Variants in KCNH8 observed in about 807,000 individuals in gnomAD.
The protein encoded by KCNH8 is potassium voltage-gated channel subfamily H member 8, also known as voltage-gated delayed rectifier potassium channel KCNH8.
Under a neutral mutation model 103.6 loss-of-function variants are expected in KCNH8, and 70 were observed. The observed-to-expected ratio is 0.68, with a 90% CI of 0.56 to 0.82. KCNH8 has a LOEUF of 0.82. Among genes scored for constraint, KCNH8 ranks in the 40% least tolerant of loss-of-function variants. KCNH8 has a pLI of 0.00. For synonymous variants in KCNH8, 498 were observed against 489.4 expected, an observed-to-expected ratio of 1.02 and a Z score of -0.23; for missense variants, 1,217 against 1,329.9, an observed-to-expected ratio of 0.92 and a Z score of 1.32.
chr3:19,215,416 G>A lies in KCNH8; in HGVS notation c.77-38238G>A, dbSNP rs374784856. On this transcript the variant is annotated intron_variant, in intron 1 of 15. Transcript: ENST00000328405. ...GAACCATGAGGACCTAGATTTATGA[G>A]AGATTGAAAGATTGAAAGATAATTG... is the stretch of plus-strand genomic sequence containing the variant. 8.5e-5 allele frequency among the ~76,000 whole-genome samples: 13 copies of A among 152,294 alleles called. 1 individual carries two copies. Among genetic ancestry groups the A allele is most frequent in the Admixed American group, 4.6e-4 (7 of 15,300 alleles).
chr3:19,225,664 T>G (rs2063922581), intron 1 of KCNH8, among the ~76,000 whole-genome samples: 1 of 152,294 alleles, frequency 6.6e-6, no homozygotes, highest in East Asian at 1.9e-4. Context: ...TGGAAGGTGG[T>G]ACGTTTTGTT....
chr3:19,361,469 T>C (rs931771596), intron 5 of KCNH8, among the ~76,000 whole-genome samples: 1 of 152,254 alleles, frequency 6.6e-6, no homozygotes, highest in Middle Eastern at 3.4e-3. Context: ...GCATTTATAT[T>C]CAATGCTGTA....
At chr3:19,416,647 C>T (rs142580759) in intron 7 of KCNH8, among the ~76,000 whole-genome samples, 526 of 152,224 alleles carry the variant, frequency 3.5e-3, no homozygotes, top group African/African-American at 0.012. Flanking sequence ...CCTGTGCACA[C>T]TGAGCTGTGA....
At chr3:19,412,807 C>T (rs2066801668) in intron 7 of KCNH8, among the ~76,000 whole-genome samples, 1 of 151,806 alleles carries the variant, frequency 6.6e-6, no homozygotes, top group Non-Finnish European at 1.5e-5. Flanking sequence ...AAGAGAAATG[C>T]AAGTTAAAAC....
At chr3:19,251,890 A>T (rs969491986) in intron 1 of KCNH8, among the ~76,000 whole-genome samples, 1 of 152,208 alleles carries the variant, frequency 6.6e-6, no homozygotes, top group Non-Finnish European at 1.5e-5. Context: ...ACACATGTGC[A>T]TATATATGTA....
intron 1 of KCNH8, among the ~76,000 whole-genome samples, chr3:19,150,983 A>G (rs1322714040): frequency 6.6e-6 from 1 of 152,060 alleles, no homozygotes; most frequent in Non-Finnish European, 1.5e-5. Context: ...TCAATGAAAG[A>G]GGGTTTTCTT....
intron 1 of KCNH8, among the ~76,000 whole-genome samples, chr3:19,237,266 A>G (rs907196593): frequency 3.9e-5 from 6 of 152,226 alleles, no homozygotes; most frequent in Admixed American, 6.5e-5. Flanking sequence ...AGAGCTGCCC[A>G]TGGCCTCTGT....
At chr3:19,473,133 T>C (rs1280613107) in intron 11 of KCNH8, among the ~76,000 whole-genome samples, 1 of 152,222 alleles carries the variant, frequency 6.6e-6, no homozygotes, top group Non-Finnish European at 1.5e-5. Context: ...GTCAAACTCA[T>C]GGTCTTCTGC....
chr3:19,520,439 TGCA>T (rs1279979980), intron 15 of KCNH8, among the ~76,000 whole-genome samples: 6 of 151,992 alleles, frequency 3.9e-5, no homozygotes, highest in Admixed American at 3.9e-4. Flanking sequence ...CTTTGGATAG[TGCA>T]TAAAAACCCA....
At chr3:19,259,313 CATAA>C (rs1477229479) in intron 2 of KCNH8, among the ~76,000 whole-genome samples, 10 of 151,410 alleles carry the variant, frequency 6.6e-5, no homozygotes, top group Non-Finnish European at 1.3e-4. Flanking sequence ...AGAAGGCAAA[CATAA>C]ATAAATATTA....
At chr3:19,262,931 A>C (rs1257122623) in intron 2 of KCNH8, among the ~76,000 whole-genome samples, 1 of 152,052 alleles carries the variant, frequency 6.6e-6, no homozygotes, top group Admixed American at 6.6e-5. Flanking sequence ...ATTGATTCAA[A>C]CCAGAGTCCA....
chr3:19,479,652 A>G (rs1354296580), intron 11 of KCNH8, among the ~76,000 whole-genome samples: 5 of 152,160 alleles, frequency 3.3e-5, no homozygotes, highest in African/African-American at 1.2e-4. Flanking sequence ...ATGAGTCTAC[A>G]AGAGGAAGAA....
intron 1 of KCNH8, among the ~76,000 whole-genome samples, chr3:19,165,822 T>G (rs2063277718): frequency 6.6e-6 from 1 of 152,172 alleles, no homozygotes; most frequent in Non-Finnish European, 1.5e-5. Flanking sequence ...CTCACTCATG[T>G]GTATGTAGAT....
In KCNH8 at chr3:19,185,682, A is replaced by AAAT. The variant is rs528531192; in HGVS notation, c.76+36887_76+36888insAAT. 7.7e-3 allele frequency among the ~76,000 whole-genome samples: 1,167 copies of AAAT among 152,112 alleles called. 12 individuals carry two copies. Among genetic ancestry groups the AAAT allele is most frequent in the African/African-American group, 0.026 (1,076 of 41,564 alleles). On this transcript the variant is annotated intron_variant, in intron 1 of 15. Coordinates refer to ENST00000328405, the MANE Select transcript of KCNH8 (RefSeq NM_144633.3). ...AGGACCATTTATCACTGTAATTGAT[A>AAAT]GTTTAGGTATTTAGCATGCTTATGC...
intron 3 of KCNH8, among the ~76,000 whole-genome samples, chr3:19,336,100 A>G (rs992173773): frequency 6.6e-6 from 1 of 151,640 alleles, no homozygotes; most frequent in Non-Finnish European, 1.5e-5. Flanking sequence ...AGTTCTACAT[A>G]TTTAACATTT....
At chr3:19,310,328 G>C (rs565024978) in intron 3 of KCNH8, among the ~76,000 whole-genome samples, 1 of 151,772 alleles carries the variant, frequency 6.6e-6, no homozygotes, top group Non-Finnish European at 1.5e-5. Flanking sequence ...TTTACTACTT[G>C]TTAAAGAATA....
At chr3:19,384,210 A>G (rs1219159177) in intron 5 of KCNH8, among the ~76,000 whole-genome samples, 1 of 152,222 alleles carries the variant, frequency 6.6e-6, no homozygotes, top group Non-Finnish European at 1.5e-5. Flanking sequence ...CCTGCAAGCA[A>G]GATCACAGAT....
chr3:19,502,312 A>G (rs2068602444), intron 11 of KCNH8, among the ~76,000 whole-genome samples: 1 of 151,142 alleles, frequency 6.6e-6, no homozygotes, highest in African/African-American at 2.4e-5. Flanking sequence ...GCTCATGGGT[A>G]GGAAGAATCA....
intron 5 of KCNH8, among the ~76,000 whole-genome samples, chr3:19,362,147 G>T (rs1456370236): frequency 3.3e-5 from 5 of 152,040 alleles, no homozygotes; most frequent in Non-Finnish European, 7.4e-5. Flanking sequence ...CTGTGGCTGA[G>T]AATTAAACTA....
Sources: allele counts gnomAD v4.1 joint callset (sites outside exome capture counted in the v4.1 genomes callset), GRCh38; gene constraint gnomAD v4.1.1; transcripts MANE v1.5; gene names NCBI Gene and HGNC (gene_info 2026-07-23, HGNC 2026-07-21).